AK5: variants seen among roughly 807,000 people sequenced by gnomAD.
The protein encoded by AK5 is adenylate kinase isoenzyme 5.
In AK5, 27 loss-of-function variants were observed where a neutral mutation model predicts 69.5. That is an observed-to-expected ratio of 0.39 (90% CI 0.29 to 0.54). The LOEUF (loss-of-function observed/expected upper bound fraction) is 0.54, where lower values mean the gene tolerates loss of function less well. Among genes scored for constraint, AK5 ranks in the 20% least tolerant of loss-of-function variants. The pLI is 0.71. For synonymous variants in AK5, 260 were observed against 244.4 expected (o/e 1.06, Z -0.60); for missense variants, 531 against 700.4 (o/e 0.76, Z 2.73).
At chr1:77,479,133 T>A (rs1655113136) in intron 8 of AK5, among the ~76,000 whole-genome samples, 1 of 150,598 alleles carries the variant, frequency 6.6e-6, no homozygotes, top group South Asian at 2.1e-4. Flanking sequence ...AGATTTCTCC[T>A]CATCAATTAC....
At chr1:77,477,861 A>C (rs1196564488) in intron 8 of AK5, among the ~76,000 whole-genome samples, 1 of 152,168 alleles carries the variant, frequency 6.6e-6, no homozygotes, top group East Asian at 1.9e-4. Flanking sequence ...TAATACAAAC[A>C]AGTTACTCTG....
In AK5 at chr1:77,382,561, G is replaced by A. The variant is rs114357202; in HGVS notation, c.892-28420G>A. ...GAGAGGATCTCACTCTGTTGCCCAA[G>A]CTGATCTCAAACTCTTGGCCTCAAG... On this transcript the variant is annotated intron_variant, in intron 6 of 13. Coordinates refer to ENST00000354567, the MANE Select transcript of AK5 (RefSeq NM_174858.3). 3.1e-3 allele frequency among the ~76,000 whole-genome samples: 474 copies of A among 152,240 alleles called. 3 individuals are homozygous for A. The highest frequency in any genetic ancestry group is 0.011 in the African/African-American group (452 of 41,548).
chr1:77,536,412 C>T (rs1474963558), intron 13 of AK5, among the ~76,000 whole-genome samples: 1 of 152,154 alleles, frequency 6.6e-6, no homozygotes, highest in Non-Finnish European at 1.5e-5. Context: ...TGAGATTGTG[C>T]CACTACACTC....
At chr1:77,330,060 G>A (rs187061122) in intron 5 of AK5, among the ~76,000 whole-genome samples, 17 of 152,296 alleles carry the variant, frequency 1.1e-4, no homozygotes, top group Non-Finnish European at 2.5e-4. Context: ...CCATACCTCT[G>A]CTCAGAATTG....
At position 77,438,294 on chromosome 1, in the gene AK5, CAAAAAAAAAAAAAAAA is replaced by C. The variant is rs56019139; in HGVS notation, c.1059+20594_1059+20609del. Among the ~76,000 whole-genome samples the C allele has an allele frequency of 6.6e-3, 350 of 52,818 alleles. 4 individuals are homozygous for C. The highest frequency in any genetic ancestry group is 0.038 in the Middle Eastern group (2 of 52). The allele number at this position is 52,818 out of a possible 152,430, so 34.7% of individuals were successfully genotyped here. Reference sequence around the variant, plus strand: ...TTTTGTTTTAACCCTATATTTGGTACAAAAAAAAAAAAAAAAAAAAAAAAAAAAAACAAGCTTGGGG... The same window carrying C: ...TTTTGTTTTAACCCTATATTTGGTACAAAAAAAAAAAAAACAAGCTTGGGG... On this transcript the variant is annotated intron_variant, in intron 8 of 13. Coordinates refer to ENST00000354567, the MANE Select transcript of AK5 (RefSeq NM_174858.3).
chr1:77,464,964 C>G (rs1654051260), intron 8 of AK5, among the ~76,000 whole-genome samples: 1 of 152,114 alleles, frequency 6.6e-6, no homozygotes, highest in Admixed American at 6.5e-5. Context: ...TGATGGCAGA[C>G]TTTGGGAACT....
intron 5 of AK5, among the ~76,000 whole-genome samples, chr1:77,331,466 A>T (rs905143935): frequency 3.3e-5 from 5 of 152,192 alleles, no homozygotes; most frequent in African/African-American, 1.2e-4. Flanking sequence ...TTATTAATTT[A>T]TTAAGATTAT....
In AK5 at chr1:77,444,304, T is replaced by TAA. The variant is rs1308115702; in HGVS notation, c.1059+26590_1059+26591insAA. ...ACAACATATGTGTATATATATAGTA[T>TAA]ATATACACAATATATGTGTATATAT... On this transcript the variant is annotated intron_variant, in intron 8 of 13. Coordinates refer to ENST00000354567, the MANE Select transcript of AK5 (RefSeq NM_174858.3). Among the ~76,000 whole-genome samples the TAA allele has an allele frequency of 1.4e-3, 74 of 52,574 alleles. 10 individuals carry two copies. The highest frequency in any genetic ancestry group is 3.4e-3 in the African/African-American group (40 of 11,644). 34.5% of individuals were successfully genotyped at this position (52,574 alleles called of 152,430 possible). A position where few individuals can be genotyped will look rare whatever the true frequency, so the allele number is the denominator to read the frequency against.
intron 8 of AK5, among the ~76,000 whole-genome samples, chr1:77,425,469 C>A (rs1009273825): frequency 6.6e-6 from 1 of 152,132 alleles, no homozygotes; most frequent in African/African-American, 2.4e-5. Flanking sequence ...CGCCTGTAGT[C>A]CCAGCTACTC....
chr1:77,367,589 T>TAATATATATGTTA (rs1553139773), intron 6 of AK5, among the ~76,000 whole-genome samples: 10 of 43,596 alleles, frequency 2.3e-4, no homozygotes, highest in Non-Finnish European at 3.5e-4. Flanking sequence ...AATATATATG[T>TAATATATATGTTA]TATATATGTA....
intron 8 of AK5, among the ~76,000 whole-genome samples, chr1:77,455,474 G>C (rs1274020365): frequency 6.6e-6 from 1 of 152,152 alleles, no homozygotes; most frequent in Non-Finnish European, 1.5e-5. Context: ...AAAACAGCAA[G>C]TAATTCCTCA....
At chr1:77,401,273 C>G (rs1027713856) in intron 6 of AK5, among the ~76,000 whole-genome samples, 2 of 152,178 alleles carry the variant, frequency 1.3e-5, no homozygotes, top group Non-Finnish European at 2.9e-5. Context: ...GAACACCAAT[C>G]AATCAATCTT....
chr1:77,385,258 C>A (rs1342770613), intron 6 of AK5, among the ~76,000 whole-genome samples: 4 of 152,142 alleles, frequency 2.6e-5, no homozygotes, highest in Non-Finnish European at 5.9e-5. Context: ...CTCCCGGGTT[C>A]ACGCCATTCT....
rs567795296 is a variant in AK5 at position 77,535,778 on chromosome 1, C to A, written c.1429-69C>A. On this transcript the variant is annotated intron_variant, in intron 12 of 13. Transcript: ENST00000354567. ...AGGCCAAGAAAGGAAAAACCAGAGGCCCTGGGCCTTTCCAGAACATCAGCA... is the reference window on the plus strand; with the variant it reads ...AGGCCAAGAAAGGAAAAACCAGAGGACCTGGGCCTTTCCAGAACATCAGCA... The A allele has an allele frequency of 2.0e-5, 29 of 1,449,648 alleles. No homozygotes were observed. In the South Asian group the frequency reaches 3.8e-4, roughly 19 times the overall value. 89.8% of individuals were successfully genotyped at this position (1,449,648 alleles called of 1,614,324 possible). A position where few individuals can be genotyped will look rare whatever the true frequency, so the allele number is the denominator to read the frequency against.
intron 11 of AK5, 150 bp from the exon 12 acceptor site, chr1:77,521,677 A>G (rs1376105703): frequency 5.1e-6 from 3 of 583,272 alleles, no homozygotes; most frequent in African/African-American, 1.9e-5. Context: ...GTGGAGGTGG[A>G]AGAGTGAAAT....
intron 5 of AK5, chr1:77,315,024 T>C (rs1240831169): frequency 1.3e-5 from 2 of 152,136 alleles, no homozygotes; most frequent in Non-Finnish European, 2.9e-5. Flanking sequence ...TACGTGTACA[T>C]ATAATCATGC....
intron 5 of AK5, among the ~76,000 whole-genome samples, chr1:77,304,606 T>C (rs1659534133): frequency 1.3e-5 from 2 of 152,120 alleles, no homozygotes; most frequent in African/African-American, 4.8e-5. Flanking sequence ...GGTTTCTCCA[T>C]GTTGGTCAGG....
intron 8 of AK5, among the ~76,000 whole-genome samples, chr1:77,481,243 C>T (rs1281199419): frequency 6.6e-6 from 1 of 152,210 alleles, no homozygotes; most frequent in Non-Finnish European, 1.5e-5. Context: ...ATGGGCCCTT[C>T]GCATGACCTC....
At chr1:77,349,376 A>G (rs1401211442) in intron 6 of AK5, 1 of 152,206 alleles carries the variant, frequency 6.6e-6, no homozygotes, top group Admixed American at 6.5e-5. Context: ...AGATACTATT[A>G]TTATCTCCAT....
Sources: allele counts gnomAD v4.1 joint callset (sites outside exome capture counted in the v4.1 genomes callset), GRCh38; gene constraint gnomAD v4.1.1; transcripts MANE v1.5; gene names NCBI Gene and HGNC (gene_info 2026-07-23, HGNC 2026-07-21).